FLT3: variants seen among roughly 807,000 people sequenced by gnomAD.
FLT3 encodes receptor-type tyrosine-protein kinase FLT3.
In FLT3, 46 loss-of-function variants were observed where a neutral mutation model predicts 126.6. The ratio of observed to expected loss-of-function variants is 0.36; its 90% CI spans 0.29 to 0.46. FLT3 has a LOEUF of 0.46. Ranked by LOEUF, FLT3 falls within the 20% of genes least tolerant of loss-of-function variation. The probability of loss-of-function intolerance (pLI) is 1.00; values close to 1 mark genes in which losing one functional copy is unlikely to be tolerated. For synonymous variants in FLT3, 404 were observed against 434.4 expected (o/e 0.93, Z 0.87); for missense variants, 1,069 against 1,190.3 (o/e 0.90, Z 1.50).
At chr13:28,095,064 A>G (rs1383538338) in intron 1 of FLT3, among the ~76,000 whole-genome samples, 1 of 152,214 alleles carries the variant, frequency 6.6e-6, no homozygotes, top group Non-Finnish European at 1.5e-5. Flanking sequence ...TGGAAGTCAT[A>G]GAAAAACATC....
At chr13:28,051,536 C>A (rs1875462754) in intron 5 of FLT3, among the ~76,000 whole-genome samples, 1 of 136,414 alleles carries the variant, frequency 7.3e-6, no homozygotes, top group Non-Finnish European at 1.6e-5. Flanking sequence ...TGTGCCCAGC[C>A]TATAATTTCC....
intron 9 of FLT3, 57 bp from the exon 10 acceptor site, chr13:28,037,345 A>G (rs1214953086): frequency 8.9e-6 from 9 of 1,008,072 alleles, no homozygotes; most frequent in African/African-American, 1.6e-5. Context: ...AGATGCTGCA[A>G]CTAATGACAG....
intron 1 of FLT3, among the ~76,000 whole-genome samples, chr13:28,094,739 G>A (rs1441142428): frequency 6.6e-6 from 1 of 152,116 alleles, no homozygotes; most frequent in Non-Finnish European, 1.5e-5. Flanking sequence ...GGGCTCCAGT[G>A]ATCCTCCCAC....
intron 1 of FLT3, among the ~76,000 whole-genome samples, chr13:28,072,337 T>C (rs550130042): frequency 6.6e-6 from 1 of 152,168 alleles, no homozygotes; most frequent in East Asian, 1.9e-4. Flanking sequence ...TATACTTATC[T>C]TTTTCTTTTT....
At chr13:28,071,674 C>G (rs141419765) in intron 1 of FLT3, among the ~76,000 whole-genome samples, 1 of 152,002 alleles carries the variant, frequency 6.6e-6, no homozygotes, top group Admixed American at 6.6e-5. Context: ...CTTTTCTCAC[C>G]GGTTGGTCCG....
intron 5 of FLT3, among the ~76,000 whole-genome samples, chr13:28,051,848 G>A (rs1351612824): frequency 6.7e-6 from 1 of 149,890 alleles, no homozygotes; most frequent in Non-Finnish European, 1.5e-5. Flanking sequence ...GCCCAGCCTA[G>A]AATTTCTTAC....
intron 23 of FLT3, among the ~76,000 whole-genome samples, chr13:28,014,098 C>G (rs919366506): frequency 6.6e-6 from 1 of 151,858 alleles, no homozygotes; most frequent in East Asian, 1.9e-4. Flanking sequence ...ACAGTGATAC[C>G]CTATTTCTAC....
intron 15 of FLT3, among the ~76,000 whole-genome samples, chr13:28,030,724 A>AAT (rs1873254070): frequency 2.0e-5 from 3 of 151,942 alleles, no homozygotes; most frequent in Non-Finnish European, 4.4e-5. Context: ...ATAAAGTAAA[A>AAT]ATACATAAAT....
At chr13:28,030,231 T>A (rs1208319995) in intron 15 of FLT3, among the ~76,000 whole-genome samples, 1 of 152,298 alleles carries the variant, frequency 6.6e-6, no homozygotes, top group African/African-American at 2.4e-5. Flanking sequence ...GGGGGTGGGA[T>A]TTCCTGTGGG....
chr13:28,057,417 A>G lies in FLT3; in HGVS notation c.414T>C (p.Ala138=). 3 of 1,587,230 alleles carry G rather than the reference A, an allele frequency of 1.9e-6. No homozygotes were observed. The highest frequency in any genetic ancestry group is 2.6e-6 in the Non-Finnish European group (3 of 1,155,474). ...TCTGAATAAAAAGTAGGTATTCTCC[A>G]GCTTGGGTTTCTGTCATTTTCAAAA... The part of the protein sequence containing the change: ...MVILKMTETQ[A]GEYLLFIQSE... Residue 138 remains alanine (A), a synonymous_variant, in exon 4 of 24, where the codon GCT becomes GCC. Transcript: ENST00000241453.
chr13:28,061,615 A>T (rs80080011), intron 3 of FLT3, among the ~76,000 whole-genome samples: 281 of 149,324 alleles, frequency 1.9e-3, no homozygotes, highest in South Asian at 6.4e-3. Context: ...GAAAAAATTT[A>T]AAAAATTAGC....
chr13:28,015,387 A>G (rs1593216081), intron 21 of FLT3, 131 bp from the exon 22 acceptor site: 2 of 763,022 alleles, frequency 2.6e-6, no homozygotes, highest in Non-Finnish European at 4.5e-6. Flanking sequence ...TGCGGCTGGG[A>G]AAAAGAAGTC....
intron 11 of FLT3, 127 bp from the exon 12 acceptor site, chr13:28,035,800 G>T: frequency 8.3e-7 from 1 of 1,207,734 alleles, no homozygotes; most frequent in Non-Finnish European, 1.2e-6. Flanking sequence ...TATGACTATT[G>T]AGAGTTATGG....
At chr13:28,058,232 C>CGGCCAT (rs1876214195) in intron 3 of FLT3, among the ~76,000 whole-genome samples, 1 of 106,068 alleles carries the variant, frequency 9.4e-6, no homozygotes, top group Non-Finnish European at 2.1e-5. Context: ...AAAAAAAAAA[C>CGGCCAT]GGCCAGGTAC....
chr13:28,060,884 C>A (rs532179723), intron 3 of FLT3, among the ~76,000 whole-genome samples: 1 of 151,790 alleles, frequency 6.6e-6, no homozygotes, highest in Non-Finnish European at 1.5e-5. Flanking sequence ...GGATTACAGG[C>A]ATGAGCCACT....
chr13:28,006,487 G>A (rs947344175), intron 23 of FLT3, among the ~76,000 whole-genome samples: 2 of 152,146 alleles, frequency 1.3e-5, no homozygotes, highest in Non-Finnish European at 2.9e-5. Context: ...TGAACCTGTT[G>A]AATCCAAATG....
intron 1 of FLT3, among the ~76,000 whole-genome samples, chr13:28,099,219 T>A (rs74785823): frequency 1.1e-3 from 171 of 152,332 alleles, no homozygotes; most frequent in African/African-American, 3.7e-3. Context: ...AAGCCCATTA[T>A]GCTTCTGAAA....
At chr13:28,051,656 T>C (rs1214258453) in intron 5 of FLT3, among the ~76,000 whole-genome samples, 1 of 151,574 alleles carries the variant, frequency 6.6e-6, no homozygotes, top group Non-Finnish European at 1.5e-5. Context: ...GCCATTCTCC[T>C]GCCTCAGCCT....
intron 2 of FLT3, among the ~76,000 whole-genome samples, chr13:28,064,662 T>C (rs1356156531): frequency 6.6e-6 from 1 of 152,128 alleles, no homozygotes; most frequent in African/African-American, 2.4e-5. Context: ...ACAAGACTAA[T>C]ATATCACTTC....
Sources: gnomAD v4.1 joint callset for allele counts (sites outside exome capture counted in the v4.1 genomes callset) on GRCh38, gnomAD v4.1.1 for gene constraint, MANE v1.5 for transcripts, NCBI Gene and HGNC (gene_info 2026-07-23, HGNC 2026-07-21) for gene names.